The following NTNG1 variants were observed in gnomAD, a reference collection of about 807,000 sequenced individuals.
The protein encoded by NTNG1 is netrin G1.
A neutral mutation model predicts 54.0 loss-of-function variants in NTNG1; 16 were observed. That is an observed-to-expected ratio of 0.30 (90% confidence interval 0.20 to 0.45). The LOEUF (loss-of-function observed/expected upper bound fraction) is 0.45. Ranked by LOEUF, NTNG1 falls within the 20% of genes least tolerant of loss-of-function variation. The pLI is 1.00. For synonymous variants in NTNG1, 255 were observed against 263.1 expected (o/e 0.97, Z 0.30); for missense variants, 530 against 678.7 (o/e 0.78, Z 2.43).
At chr1:107,328,826 G>T (rs1419068123) in intron 3 of NTNG1, 2 of 152,022 alleles carry the variant, frequency 1.3e-5, no homozygotes, top group Admixed American at 1.3e-4. Context: ...AAAGACAAAT[G>T]AATCTTTAGT....
intron 7 of NTNG1, among the ~76,000 whole-genome samples, chr1:107,447,855 A>G (rs572030409): frequency 2.6e-5 from 4 of 152,236 alleles, no homozygotes; most frequent in South Asian, 4.1e-4. Flanking sequence ...TATCCTTCCT[A>G]GCAAACTGGC....
rs573274925 is a variant in NTNG1, at chr1:107,350,077, A to T, written c.887+25155A>T. ...TCTACGAGTTGGTATTTTCAAACTTATTAATTTTTTTCAGCCTCATGAATG... is the reference window on the plus strand; with the variant it reads ...TCTACGAGTTGGTATTTTCAAACTTTTTAATTTTTTTCAGCCTCATGAATG... On this transcript the variant is annotated intron_variant, in intron 3 of 7. Transcript: ENST00000370068. Among the ~76,000 whole-genome samples, 32 of 152,286 alleles carry T rather than the reference A, an allele frequency of 2.1e-4. No individual in the cohort carries two copies. In the South Asian group the frequency reaches 4.4e-3, roughly 21 times the overall value.
In NTNG1 at chr1:107,367,065, C is replaced by T. The variant is rs372126162; in HGVS notation, c.888-28089C>T. On this transcript the variant is annotated intron_variant, in intron 3 of 7. Coordinates refer to ENST00000370068, the MANE Select transcript of NTNG1 (RefSeq NM_001113226.3). ...AAAGGAACAATGTCTTTTATCTGTT[C>T]GTGTGTGTGTGTGTGTGTGTGTGTG... Among the ~76,000 whole-genome samples the T allele has an allele frequency of 4.7e-5, 7 of 148,442 alleles. No homozygotes were observed. The South Asian group carries it at 6.5e-4, about 14-fold the overall frequency.
At chr1:107,401,743 A>G (rs1336010549) in intron 4 of NTNG1, among the ~76,000 whole-genome samples, 1 of 151,872 alleles carries the variant, frequency 6.6e-6, no homozygotes. Context: ...CCTGAAATAA[A>G]TGGAAAGACA....
chr1:107,186,263 G>A (rs1458035285), intron 2 of NTNG1, among the ~76,000 whole-genome samples: 1 of 152,062 alleles, frequency 6.6e-6, no homozygotes, highest in Non-Finnish European at 1.5e-5. Context: ...ACCCAGTCAT[G>A]CAAAACACCG....
chr1:107,193,953 C>A (rs1424740748), intron 2 of NTNG1, among the ~76,000 whole-genome samples: 1 of 151,988 alleles, frequency 6.6e-6, no homozygotes, highest in African/African-American at 2.4e-5. Context: ...AATCCAGACT[C>A]CTTAACCCTT....
intron 3 of NTNG1, among the ~76,000 whole-genome samples, chr1:107,343,584 C>T (rs777919916): frequency 2.0e-5 from 3 of 151,316 alleles, no homozygotes; most frequent in Non-Finnish European, 4.4e-5. Flanking sequence ...TTTGGGGATT[C>T]GCCTGCAGAA....
rs565828486 is a variant in NTNG1, at chr1:107,255,228, A to C, written c.247-69054A>C. ...ATTTCAGAAGGTAAGCTATTTACAAACATAAAATGTTTTTAGCATTTAAAA... is the reference window on the plus strand; with the variant it reads ...ATTTCAGAAGGTAAGCTATTTACAACCATAAAATGTTTTTAGCATTTAAAA... On this transcript the variant is annotated intron_variant, in intron 2 of 7. Coordinates refer to ENST00000370068, the MANE Select transcript of NTNG1 (RefSeq NM_001113226.3). Among the ~76,000 whole-genome samples the C allele has an allele frequency of 1.4e-4, 22 of 152,366 alleles. No homozygotes were observed. The South Asian group carries it at 2.5e-3, about 17-fold the overall frequency.
intron 7 of NTNG1, among the ~76,000 whole-genome samples, chr1:107,471,302 C>A (rs1677961821): frequency 6.6e-6 from 1 of 152,188 alleles, no homozygotes; most frequent in African/African-American, 2.4e-5. Context: ...TGCTGTCACA[C>A]AGAGTCTCGC....
chr1:107,260,939 C>G (rs1393730818), intron 2 of NTNG1: 1 of 152,102 alleles, frequency 6.6e-6, no homozygotes, highest in African/African-American at 2.4e-5. Context: ...GGACTACTCA[C>G]CAAGGTTAGT....
At chr1:107,475,066 A>C (rs1396761508) in intron 7 of NTNG1, among the ~76,000 whole-genome samples, 1 of 152,168 alleles carries the variant, frequency 6.6e-6, no homozygotes, top group Non-Finnish European at 1.5e-5. Context: ...AATGTGGTAA[A>C]ACCCTAGGAT....
chr1:107,361,145 T>C (rs1297100633), intron 3 of NTNG1, among the ~76,000 whole-genome samples: 1 of 145,200 alleles, frequency 6.9e-6, no homozygotes, highest in South Asian at 2.1e-4. Flanking sequence ...ATATTATATA[T>C]TATATATTTC....
At chr1:107,376,338 G>A (rs1279273460) in intron 3 of NTNG1, among the ~76,000 whole-genome samples, 1 of 151,984 alleles carries the variant, frequency 6.6e-6, no homozygotes, top group Non-Finnish European at 1.5e-5. Context: ...AACCCGGGAG[G>A]CGGAGCTTAC....
At chr1:107,194,013 C>G (rs1372430790) in intron 2 of NTNG1, among the ~76,000 whole-genome samples, 1 of 152,000 alleles carries the variant, frequency 6.6e-6, no homozygotes, top group Non-Finnish European at 1.5e-5. Flanking sequence ...CACCATTTAT[C>G]TAATGATTTC....
At chr1:107,146,585 G>A (rs754344301) in intron 1 of NTNG1, among the ~76,000 whole-genome samples, 27 of 152,162 alleles carry the variant, frequency 1.8e-4, no homozygotes, top group Admixed American at 4.6e-4. Flanking sequence ...TTACAAGGAA[G>A]AGGCTGATTC....
intron 2 of NTNG1, among the ~76,000 whole-genome samples, chr1:107,194,168 C>T (rs1255773977): frequency 6.6e-6 from 1 of 151,952 alleles, no homozygotes; most frequent in East Asian, 1.9e-4. Context: ...AGAACTCAGC[C>T]TGTCCTCCCT....
At chr1:107,160,140 C>G (rs1445592703) in intron 2 of NTNG1, among the ~76,000 whole-genome samples, 1 of 152,092 alleles carries the variant, frequency 6.6e-6, no homozygotes. Context: ...CATGCTGTCT[C>G]TACTTGGATG....
chr1:107,287,200 T>G (rs1665254528), intron 2 of NTNG1, among the ~76,000 whole-genome samples: 1 of 152,128 alleles, frequency 6.6e-6, no homozygotes, highest in South Asian at 2.1e-4. Context: ...ATATATGGCT[T>G]TACATAAAGC....
chr1:107,347,514 CTT>C lies in NTNG1; in HGVS notation c.887+22593_887+22594del, dbSNP rs1240857284. 2.0e-5 allele frequency among the ~76,000 whole-genome samples: 3 copies of C among 152,082 alleles called. No homozygotes were observed. In the East Asian group the frequency reaches 5.8e-4, roughly 29 times the overall value. ...TGGTCAACAGAGCGAGATCCTATCT[CTT>C]AAAAACAAACAACAAAACAAAACAA... On this transcript the variant is annotated intron_variant, in intron 3 of 7. Transcript: ENST00000370068.
Sources: allele counts gnomAD v4.1 joint callset (sites outside exome capture counted in the v4.1 genomes callset), GRCh38; gene constraint gnomAD v4.1.1; transcripts MANE v1.5; gene names NCBI Gene and HGNC (gene_info 2026-07-23, HGNC 2026-07-21).